The following TCTN3 variants were observed in gnomAD, a reference collection of about 807,000 sequenced individuals.
TCTN3 encodes the protein tectonic family member 3.
TCTN3 carries 57 observed loss-of-function variants against 71.3 expected under a neutral mutation model. The observed-to-expected ratio is 0.80, with a 90% CI of 0.65 to 1.00. TCTN3 has a LOEUF of 1.00. Ranked by LOEUF, TCTN3 falls within the 50% of genes least tolerant of loss-of-function variation. The pLI, the probability that TCTN3 is intolerant of heterozygous loss-of-function variation, is 0.00. For synonymous variants in TCTN3, 258 were observed against 267.8 expected, an observed-to-expected ratio of 0.96 and a Z score of 0.36; for missense variants, 696 against 719.9, an observed-to-expected ratio of 0.97 and a Z score of 0.38.
At chr10:95,677,494 T>G (rs1338919897) in intron 13 of TCTN3, among the ~76,000 whole-genome samples, 34 of 147,352 alleles carry the variant, frequency 2.3e-4, no homozygotes, top group African/African-American at 8.0e-4. Flanking sequence ...TTTTTTTTTT[T>G]TTTTTTTGCT....
chr10:95,683,064 C>T (rs746426827), intron 11 of TCTN3, 37 bp downstream of exon 11: 11 of 1,570,062 alleles, frequency 7.0e-6, no homozygotes, highest in East Asian at 6.7e-5. Context: ...TACATATTCC[C>T]GAAATTGCAG....
rs369583650 is a variant in TCTN3, at chr10:95,682,639, T to C, written c.1452+12A>G. On this transcript the variant is annotated intron_variant, in intron 12 of 13. Transcript: ENST00000371217. Reference sequence around the variant, plus strand: ...AATGAGTCTTCATCAGAAAGTATATTTCTCTCCTTACTGAAATGCTGCAGT... The same window carrying C: ...AATGAGTCTTCATCAGAAAGTATATCTCTCTCCTTACTGAAATGCTGCAGT... 10 of 1,608,698 alleles carry C rather than the reference T, an allele frequency of 6.2e-6. No individual in the cohort carries two copies. The highest frequency in any genetic ancestry group is 1.3e-5 in the African/African-American group (1 of 74,592).
Position 95,679,780 on chromosome 10 carries a change from C to T in TCTN3, c.1590+692G>A, listed in dbSNP as rs538193685. Among the ~76,000 whole-genome samples, 33 of 151,372 alleles carry T rather than the reference C, an allele frequency of 2.2e-4. 1 individual carries two copies. Among genetic ancestry groups the T allele is most frequent in the Middle Eastern group, 6.8e-3 (2 of 292 alleles). ...CTATTTTTTGTAGTTTTAGTAGAGA[C>T]GGGGTTTCACCATTTTAGCCGGGAT... On this transcript the variant is annotated intron_variant, in intron 13 of 13. Coordinates refer to ENST00000371217, the MANE Select transcript of TCTN3 (RefSeq NM_015631.6).
intron 13 of TCTN3, among the ~76,000 whole-genome samples, chr10:95,669,117 C>T (rs765881994): frequency 6.6e-6 from 1 of 152,164 alleles, no homozygotes; most frequent in African/African-American, 2.4e-5. Flanking sequence ...GATGCAAATA[C>T]ACTGGCAGAG....
chr10:95,682,685 CA>C lies in TCTN3; in HGVS notation c.1417del (p.Trp473GlyfsTer14). 3 of 1,614,014 alleles carry C rather than the reference CA, an allele frequency of 1.9e-6. No homozygotes were observed. Among genetic ancestry groups the C allele is most frequent in the Non-Finnish European group, 2.5e-6 (3 of 1,179,978 alleles). ...GCAGTGCCTGTTGAGGATCCTGGTC[CA>C]CCCTCCTTTCTGGGCTGGGTCAGCA... The part of the protein sequence containing the change: ...GNADPAQKGG[W>X]TRILNRHCSI... On this transcript the variant is annotated frameshift_variant, in exon 12 of 14. Transcript: ENST00000371217. LOFTEE classifies it high-confidence loss of function.
intron 9 of TCTN3, 123 bp from the exon 10 acceptor site, chr10:95,683,752 A>G: frequency 1.4e-6 from 1 of 723,320 alleles, no homozygotes; most frequent in Non-Finnish European, 2.2e-6. Flanking sequence ...ACACTGAACA[A>G]TCTGGCTTCT....
chr10:95,686,598 A>C, intron 6 of TCTN3, 68 bp from the exon 7 acceptor site: 1 of 1,507,630 alleles, frequency 6.6e-7, no homozygotes, highest in Non-Finnish European at 9.1e-7. Flanking sequence ...TTGTGGTTTC[A>C]TATTACTACC....
At chr10:95,683,450 A>G (rs1220720148) in intron 10 of TCTN3, 72 bp downstream of exon 10, 1 of 1,612,830 alleles carries the variant, frequency 6.2e-7, no homozygotes, top group Admixed American at 1.7e-5. Flanking sequence ...TGGCTAGTCT[A>G]ACATAAGTTT....
Position 95,686,491 on chromosome 10 carries a change from A to T in TCTN3, c.888+4T>A, listed in dbSNP as rs1181501400. 2 of 1,614,006 alleles carry T rather than the reference A, an allele frequency of 1.2e-6. No homozygotes were observed. Among genetic ancestry groups the T allele is most frequent in the Non-Finnish European group, 8.5e-7 (1 of 1,179,980 alleles). The stretch of plus-strand genomic sequence containing the variant: ...TCTTTTTTCCTGGTACAACAGCATC[A>T]TACCTCCATATTCTGTGGATCAGTC... On this transcript the variant is annotated splice_donor_region_variant and intron_variant, in intron 7 of 13. Transcript: ENST00000371217.
In TCTN3 at chr10:95,686,632, G is replaced by C. The variant is rs1411335161; in HGVS notation, c.853-102C>G. On this transcript the variant is annotated intron_variant, in intron 6 of 13. Transcript: ENST00000371217. Reference sequence around the variant, plus strand: ...CCAATAGGCTTTGGTTTGGCGGGCAGGGGAGTCAATATATTAGAATGATTT... The same window carrying C: ...CCAATAGGCTTTGGTTTGGCGGGCACGGGAGTCAATATATTAGAATGATTT... 1.3e-5 allele frequency: 15 copies of C among 1,120,566 alleles called. No homozygotes were observed. In the Admixed American group the frequency reaches 2.9e-4, roughly 22 times the overall value. The allele number at this position is 1,120,566 out of a possible 1,614,324, so 69.4% of individuals were successfully genotyped here.
rs1555269146 is a variant in TCTN3 at position 95,677,491 on chromosome 10, T to TTG, written c.1590+2980_1590+2981insCA. ...AGTCTACAGTTTTTTTTGTTTTTTT[T>TTG]TTTTTTTTTTGCTGTATTTTCCCTC... On this transcript the variant is annotated intron_variant, in intron 13 of 13. Coordinates refer to ENST00000371217, the MANE Select transcript of TCTN3 (RefSeq NM_015631.6). Among the ~76,000 whole-genome samples, 820 of 146,164 alleles carry TTG rather than the reference T, an allele frequency of 5.6e-3. 18 individuals are homozygous for TTG. Among genetic ancestry groups the TTG allele is most frequent in the East Asian group, 0.019 (93 of 5,022 alleles).
At chr10:95,683,017 A>G in intron 11 of TCTN3, 84 bp downstream of exon 11, 1 of 1,399,464 alleles carries the variant, frequency 7.1e-7, no homozygotes, top group Non-Finnish European at 1.0e-6. Flanking sequence ...CCGAACTGTC[A>G]TTAAAAATAT....
At position 95,682,387 on chromosome 10, in the gene TCTN3, G is replaced by A. The variant is rs536996503; in HGVS notation, c.1452+264C>T. 6.6e-5 allele frequency among the ~76,000 whole-genome samples: 10 copies of A among 152,148 alleles called. No homozygotes were observed. The South Asian group carries it at 1.7e-3, about 25-fold the overall frequency. On this transcript the variant is annotated intron_variant, in intron 12 of 13. Coordinates refer to ENST00000371217, the MANE Select transcript of TCTN3 (RefSeq NM_015631.6). The stretch of plus-strand genomic sequence containing the variant: ...TGCCTGCAGTCCCAGCTACTCGGGA[G>A]GCTGAGTGAGGCAGGAGAATCCCTT...
At chr10:95,683,358 G>C (rs1464046252) in intron 10 of TCTN3, 163 bp from the exon 11 acceptor site, 3 of 1,506,656 alleles carry the variant, frequency 2.0e-6, no homozygotes, top group Admixed American at 2.4e-5. Context: ...AAACCACAGA[G>C]AGACAACTAG....
chr10:95,678,581 C>T (rs1342555285), intron 13 of TCTN3, among the ~76,000 whole-genome samples: 1 of 150,956 alleles, frequency 6.6e-6, no homozygotes. Flanking sequence ...AGACAAAAGC[C>T]TGTGTGGACG....
chr10:95,675,539 G>C (rs983663962), intron 13 of TCTN3, among the ~76,000 whole-genome samples: 2 of 152,174 alleles, frequency 1.3e-5, no homozygotes, highest in Non-Finnish European at 2.9e-5. Context: ...ACAGAAGGAG[G>C]CAAAGTACTT....
intron 6 of TCTN3, 81 bp downstream of exon 6, chr10:95,686,963 T>C: frequency 7.8e-7 from 1 of 1,276,426 alleles, no homozygotes; most frequent in Non-Finnish European, 1.1e-6. Flanking sequence ...TTCAATGCTC[T>C]TTCCACAACC....
intron 12 of TCTN3, 113 bp downstream of exon 12, chr10:95,682,538 C>T: frequency 1.6e-6 from 2 of 1,282,198 alleles, no homozygotes; most frequent in Non-Finnish European, 2.1e-6. Flanking sequence ...TATACTCTTC[C>T]TTCTATGACA....
chr10:95,675,486 A>C (rs2097936098), intron 13 of TCTN3, among the ~76,000 whole-genome samples: 1 of 152,242 alleles, frequency 6.6e-6, no homozygotes, highest in Non-Finnish European at 1.5e-5. Flanking sequence ...ACCCCAGCTG[A>C]ATGAACTAGG....
Sources: gnomAD v4.1 joint callset for allele counts (sites outside exome capture counted in the v4.1 genomes callset) on GRCh38, gnomAD v4.1.1 for gene constraint, MANE v1.5 for transcripts, NCBI Gene and HGNC (gene_info 2026-07-23, HGNC 2026-07-21) for gene names.